Variants in DPP6 observed in about 807,000 individuals in gnomAD.
DPP6 encodes the protein A-type potassium channel modulatory protein DPP6.
A neutral mutation model predicts 122.6 loss-of-function variants in DPP6; 69 were observed. The observed-to-expected ratio is 0.56, with a 90% confidence interval of 0.46 to 0.69. DPP6 has a LOEUF of 0.69. DPP6 is among the 30% of genes least tolerant of loss of function. DPP6 has a pLI of 0.00. For synonymous variants in DPP6, 418 were observed against 433.1 expected (o/e 0.97, Z 0.43); for missense variants, 928 against 1,116.9 (o/e 0.83, Z 2.41).
intron 10 of DPP6, among the ~76,000 whole-genome samples, chr7:154,775,910 A>C (rs1490540510): frequency 6.6e-6 from 1 of 151,832 alleles, no homozygotes; most frequent in Non-Finnish European, 1.5e-5. Context: ...GGGCAACTCC[A>C]CCTTCCAGGA....
intron 1 of DPP6, among the ~76,000 whole-genome samples, chr7:154,244,503 G>A (rs2150882080): frequency 6.6e-6 from 1 of 152,196 alleles, no homozygotes; most frequent in African/African-American, 2.4e-5. Flanking sequence ...ATGTGTGTTT[G>A]TTTCTTAATT....
At chr7:154,384,423 G>A (rs1231757350) in intron 1 of DPP6, among the ~76,000 whole-genome samples, 4 of 152,174 alleles carry the variant, frequency 2.6e-5, no homozygotes, top group Non-Finnish European at 5.9e-5. Flanking sequence ...ACACTTGAAT[G>A]AAAAGGATGT....
rs760268171 is a variant in DPP6 at position 154,875,862 on chromosome 7, C to T, written c.1884-44C>T. On this transcript the variant is annotated intron_variant, in intron 19 of 25. Transcript: ENST00000377770. The surrounding 1 kb of genome is among the most constrained non-coding windows in gnomAD (Gnocchi z 4.5). ...GTGGCAGCTGCTAGACCAGCCGCCA[C>T]CCACCACGCAGCAGGCCTGCTGAGC... 3.8e-6 allele frequency: 6 copies of T among 1,573,232 alleles called. No individual in the cohort carries two copies. The South Asian group carries it at 5.8e-5, about 15-fold the overall frequency.
chr7:154,398,840 G>A (rs1455219771), intron 1 of DPP6, among the ~76,000 whole-genome samples: 3 of 152,142 alleles, frequency 2.0e-5, no homozygotes, highest in Non-Finnish European at 2.9e-5. Context: ...CTTAAAAGAA[G>A]CAAGACTCAG....
At chr7:153,774,085 A>G in the DPP6 span, among the ~76,000 whole-genome samples, 1 of 152,198 alleles carries the variant, frequency 6.6e-6, no homozygotes, top group Non-Finnish European at 1.5e-5. Context: ...ATAGGCAAGC[A>G]GAATATGTTT....
rs190109931 is a variant in DPP6 at position 154,662,416 on chromosome 7, C to G, written c.681-6944C>G. Among the ~76,000 whole-genome samples, 78 of 123,256 alleles carry G rather than the reference C, an allele frequency of 6.3e-4. 3 individuals carry two copies. The highest frequency in any genetic ancestry group is 8.9e-4 in the Admixed American group (11 of 12,300). 80.9% of individuals were successfully genotyped at this position (123,256 alleles called of 152,430 possible). ...CATATAGTCATGTGAATCACCATGG[C>G]GTATCGGCTGTAGTGTTCATATAGT... On this transcript the variant is annotated intron_variant, in intron 6 of 25. Transcript: ENST00000377770.
At chr7:154,600,522 T>A (rs1313085138) in intron 5 of DPP6, among the ~76,000 whole-genome samples, 1 of 121,002 alleles carries the variant, frequency 8.3e-6, no homozygotes, top group Non-Finnish European at 1.9e-5. Context: ...AGGCACCATG[T>A]CAAAAACTTT....
chr7:154,879,144 CCTT>C (rs1267634324), intron 20 of DPP6, among the ~76,000 whole-genome samples: 1 of 152,190 alleles, frequency 6.6e-6, no homozygotes, highest in Non-Finnish European at 1.5e-5. Context: ...CAGGTTCCCT[CCTT>C]TTAAAAGACT....
At chr7:154,702,548 G>T (rs1294113923) in intron 7 of DPP6, among the ~76,000 whole-genome samples, 2 of 152,194 alleles carry the variant, frequency 1.3e-5, no homozygotes, top group African/African-American at 4.8e-5. Flanking sequence ...TCATGCTCTG[G>T]ATAAAAGATC....
intron 5 of DPP6, among the ~76,000 whole-genome samples, chr7:154,631,558 T>A (rs562966436): frequency 1.3e-5 from 2 of 152,110 alleles, no homozygotes; most frequent in South Asian, 2.1e-4. Flanking sequence ...ATCCAAGCAT[T>A]TGGGAGGCCG....
intron 1 of DPP6, among the ~76,000 whole-genome samples, chr7:154,182,559 G>C (rs936297650): frequency 6.6e-5 from 10 of 152,126 alleles, no homozygotes; most frequent in African/African-American, 2.2e-4. Flanking sequence ...ACATGTGCCC[G>C]GGGGAGGTGG....
At chr7:154,759,292 A>G (rs912070563) in intron 8 of DPP6, among the ~76,000 whole-genome samples, 2 of 152,206 alleles carry the variant, frequency 1.3e-5, no homozygotes, top group African/African-American at 4.8e-5. Context: ...AAGAGGAGCC[A>G]CTTGTACTTT....
intron 1 of DPP6, among the ~76,000 whole-genome samples, chr7:154,420,976 A>C (rs1235364718): frequency 1.3e-5 from 2 of 152,188 alleles, no homozygotes; most frequent in Non-Finnish European, 2.9e-5. Context: ...TCTTACCACA[A>C]TAAAACTTTA....
At chr7:154,031,773 T>A (rs1413193820) in intron 1 of DPP6, among the ~76,000 whole-genome samples, 1 of 151,938 alleles carries the variant, frequency 6.6e-6, no homozygotes, top group Non-Finnish European at 1.5e-5. Flanking sequence ...AGGCTGTCTT[T>A]TCCTTACAAA....
intron 1 of DPP6, among the ~76,000 whole-genome samples, chr7:154,320,248 A>ATGGT (rs1807821601): frequency 6.6e-6 from 1 of 151,996 alleles, no homozygotes; most frequent in Non-Finnish European, 1.5e-5. Context: ...CTTTACACTG[A>ATGGT]CGGTGCCTCT....
At chr7:154,793,976 C>A in intron 10 of DPP6, 103 bp from the exon 11 acceptor site, 1 of 1,467,864 alleles carries the variant, frequency 6.8e-7, no homozygotes, top group Non-Finnish European at 9.1e-7. Flanking sequence ...CTGGCTCCGG[C>A]CCCCGGCTCC....
At chr7:153,967,235 C>T (rs939400910) in intron 1 of DPP6, among the ~76,000 whole-genome samples, 1 of 152,004 alleles carries the variant, frequency 6.6e-6, no homozygotes, top group African/African-American at 2.4e-5. Flanking sequence ...TGGCTTTGGG[C>T]TTGTGTTTAG....
intron 11 of DPP6, among the ~76,000 whole-genome samples, chr7:154,795,627 C>T (rs1373158766): frequency 2.6e-5 from 4 of 152,024 alleles, no homozygotes; most frequent in African/African-American, 7.2e-5. Context: ...AATTCGAGGA[C>T]GCTTGTGTTT....
intron 16 of DPP6, among the ~76,000 whole-genome samples, chr7:154,831,310 C>T (rs1415449307): frequency 6.6e-6 from 1 of 152,174 alleles, no homozygotes; most frequent in African/African-American, 2.4e-5. Context: ...CACCGGTTGA[C>T]CACACAGGCC....
Sources: gnomAD v4.1 joint callset for allele counts (sites outside exome capture counted in the v4.1 genomes callset) on GRCh38, gnomAD v4.1.1 for gene constraint, Gnocchi (gnomAD v3.1) non-coding constraint, MANE v1.5 for transcripts, NCBI Gene and HGNC (gene_info 2026-07-23, HGNC 2026-07-21) for gene names.